Variants in ARHGAP24 observed in about 807,000 individuals in gnomAD.
ARHGAP24 encodes rho GTPase-activating protein 24.
ARHGAP24 carries 50 observed loss-of-function variants against 76.4 expected under a neutral mutation model. The ratio of observed to expected loss-of-function variants is 0.65; its 90% CI spans 0.52 to 0.83. The LOEUF (loss-of-function observed/expected upper bound fraction) is 0.83, where lower values mean the gene tolerates loss of function less well. Ranked by LOEUF, ARHGAP24 falls within the 40% of genes least tolerant of loss-of-function variation. The probability of loss-of-function intolerance (pLI) is 0.00; values close to 1 mark genes in which losing one functional copy is unlikely to be tolerated. For missense variants in ARHGAP24, 930 were observed against 914.2 expected (o/e 1.02, Z -0.22); for synonymous variants, 345 against 323.3 (o/e 1.07, Z -0.72).
intron 2 of ARHGAP24, among the ~76,000 whole-genome samples, chr4:85,581,543 A>G (rs943140958): frequency 2.0e-5 from 3 of 152,174 alleles, no homozygotes; most frequent in Admixed American, 6.6e-5. Context: ...CATGAGTTGT[A>G]AATGCTGTAG....
chr4:85,990,754 C>T (rs1740273403), intron 8 of ARHGAP24: 1 of 151,864 alleles, frequency 6.6e-6, no homozygotes, highest in Non-Finnish European at 1.5e-5. Context: ...CCTTGCCTCA[C>T]ATCACATACA....
intron 2 of ARHGAP24, among the ~76,000 whole-genome samples, chr4:85,694,063 G>C (rs1362548192): frequency 1.1e-4 from 16 of 152,116 alleles, no homozygotes; most frequent in Admixed American, 1.0e-3. Flanking sequence ...CCCCACGGAT[G>C]GTTCACAGCT....
At chr4:85,782,053 A>G (rs1476876455) in intron 3 of ARHGAP24, among the ~76,000 whole-genome samples, 1 of 80,588 alleles carries the variant, frequency 1.2e-5, no homozygotes, top group African/African-American at 3.4e-5. Context: ...AAAAAAAAAG[A>G]AAAAAAAAAG....
intron 2 of ARHGAP24, among the ~76,000 whole-genome samples, chr4:85,595,486 G>A (rs977552085): frequency 6.6e-5 from 10 of 152,138 alleles, no homozygotes; most frequent in South Asian, 2.1e-4. Context: ...CTAATTTCTC[G>A]CTGAACTTCA....
At chr4:85,701,688 T>A (rs72972879) in intron 2 of ARHGAP24, among the ~76,000 whole-genome samples, 1,638 of 152,202 alleles carry the variant, frequency 0.011, 33 homozygotes, top group African/African-American at 0.038. Context: ...TTTTTCTTTT[T>A]ACAATTCAGA....
At chr4:85,930,701 A>G in intron 4 of ARHGAP24, 1 of 1,222,258 alleles carries the variant, frequency 8.2e-7, no homozygotes, top group African/African-American at 1.6e-5. Flanking sequence ...AACCTTAAAA[A>G]CTCCCTGGAT....
At chr4:85,767,738 C>T (rs1397084916) in intron 3 of ARHGAP24, among the ~76,000 whole-genome samples, 1 of 152,116 alleles carries the variant, frequency 6.6e-6, no homozygotes, top group African/African-American at 2.4e-5. Context: ...CTGATGTTAA[C>T]AAGGATCATG....
chr4:85,670,473 A>G (rs1180545895), intron 2 of ARHGAP24, among the ~76,000 whole-genome samples: 1 of 152,162 alleles, frequency 6.6e-6, no homozygotes, highest in Non-Finnish European at 1.5e-5. Context: ...AATCTCCTAC[A>G]TAATTTATAT....
intron 1 of ARHGAP24, among the ~76,000 whole-genome samples, chr4:85,554,400 T>A (rs758879342): frequency 1.3e-5 from 2 of 152,212 alleles, no homozygotes; most frequent in African/African-American, 2.4e-5. Flanking sequence ...AAATATGTTT[T>A]CCAAATTGCC....
At chr4:85,577,236 A>AT (rs1380648286) in intron 2 of ARHGAP24, among the ~76,000 whole-genome samples, 5 of 148,350 alleles carry the variant, frequency 3.4e-5, no homozygotes, top group Admixed American at 2.0e-4. Context: ...ATAGGAAAAA[A>AT]AAATATATAT....
chr4:85,643,314 A>G lies in ARHGAP24; in HGVS notation c.180+72593A>G, dbSNP rs867000653. Among the ~76,000 whole-genome samples the G allele has an allele frequency of 9.1e-5, 6 of 66,038 alleles. 2 individuals are homozygous for G. Among genetic ancestry groups the G allele is most frequent in the Admixed American group, 6.1e-4 (2 of 3,260 alleles). 43.3% of individuals were successfully genotyped at this position (66,038 alleles called of 152,430 possible). A position where few individuals can be genotyped will look rare whatever the true frequency, so the allele number is the denominator to read the frequency against. On this transcript the variant is annotated intron_variant, in intron 2 of 9. Transcript: ENST00000395184. ...TCGCCCAGGCTGGACTGCGGACTGCAGTGGCGCAATCTCGGCTCACTGCAA... is the reference window on the plus strand; with the variant it reads ...TCGCCCAGGCTGGACTGCGGACTGCGGTGGCGCAATCTCGGCTCACTGCAA...
chr4:85,973,178 A>G (rs927903363), intron 6 of ARHGAP24, among the ~76,000 whole-genome samples: 2 of 152,270 alleles, frequency 1.3e-5, no homozygotes, highest in South Asian at 2.1e-4. Flanking sequence ...GATTTCTTCA[A>G]ATGTCTACCA....
intron 2 of ARHGAP24, among the ~76,000 whole-genome samples, chr4:85,610,527 G>C (rs1480632784): frequency 8.2e-6 from 1 of 122,016 alleles, no homozygotes; most frequent in Non-Finnish European, 1.7e-5. Flanking sequence ...TAATAGATTT[G>C]ACTCAGAATC....
chr4:85,929,836 T>C (rs1736223232), intron 4 of ARHGAP24, among the ~76,000 whole-genome samples: 3 of 152,166 alleles, frequency 2.0e-5, no homozygotes, highest in Admixed American at 6.5e-5. Context: ...GTAAAACTTG[T>C]ATGGGAGGGG....
At chr4:85,795,526 T>C (rs1166871388) in intron 3 of ARHGAP24, among the ~76,000 whole-genome samples, 2 of 152,214 alleles carry the variant, frequency 1.3e-5, no homozygotes, top group Non-Finnish European at 2.9e-5. Flanking sequence ...GTGACAATTA[T>C]TAAATACTCA....
chr4:85,992,316 A>G (rs1237518016), intron 8 of ARHGAP24, among the ~76,000 whole-genome samples: 1 of 151,556 alleles, frequency 6.6e-6, no homozygotes, highest in Non-Finnish European at 1.5e-5. Context: ...TTATTGTCCC[A>G]GAGACTAGAT....
intron 2 of ARHGAP24, among the ~76,000 whole-genome samples, chr4:85,671,201 G>C (rs1232250991): frequency 6.6e-6 from 1 of 151,988 alleles, no homozygotes; most frequent in Non-Finnish European, 1.5e-5. Flanking sequence ...TACACTAAAT[G>C]CTACCTCTAA....
chr4:85,888,552 G>GT (rs1347316549), intron 3 of ARHGAP24, among the ~76,000 whole-genome samples: 1 of 151,970 alleles, frequency 6.6e-6, no homozygotes, highest in Non-Finnish European at 1.5e-5. Context: ...TTGTTTGTTT[G>GT]TTTTTAAATA....
At chr4:85,600,265 G>A (rs1208755302) in intron 2 of ARHGAP24, among the ~76,000 whole-genome samples, 4 of 152,164 alleles carry the variant, frequency 2.6e-5, no homozygotes, top group Admixed American at 2.0e-4. Flanking sequence ...GTGGCTAGAG[G>A]CAGGGGCCAG....
Sources: gnomAD v4.1 joint callset for allele counts (sites outside exome capture counted in the v4.1 genomes callset) on GRCh38, gnomAD v4.1.1 for gene constraint, MANE v1.5 for transcripts, NCBI Gene and HGNC (gene_info 2026-07-23, HGNC 2026-07-21) for gene names.